The following MREG variants were observed in gnomAD, a reference collection of about 807,000 sequenced individuals.
MREG encodes the protein melanoregulin, also known as dilute suppressor protein homolog.
Under a neutral mutation model 28.5 loss-of-function variants are expected in MREG, and 31 were observed. That is an observed-to-expected ratio of 1.09 (90% confidence interval 0.82 to 1.47). The LOEUF is 1.47. Among genes scored for constraint, MREG ranks in the 40% most tolerant of loss-of-function variants. The pLI is 0.00. For missense variants in MREG, 256 were observed against 257.4 expected, an observed-to-expected ratio of 0.99 and a Z score of 0.04; for synonymous variants, 106 against 95.2, an observed-to-expected ratio of 1.11 and a Z score of -0.66.
chr2:215,951,084 T>G (rs1440732702), intron 2 of MREG, among the ~76,000 whole-genome samples: 1 of 152,102 alleles, frequency 6.6e-6, no homozygotes, highest in Non-Finnish European at 1.5e-5. Context: ...TTGCCATGAG[T>G]GTAAGTTTCC....
chr2:215,999,115 G>A (rs890771191), intron 1 of MREG, among the ~76,000 whole-genome samples: 1 of 152,206 alleles, frequency 6.6e-6, no homozygotes, highest in African/African-American at 2.4e-5. Flanking sequence ...AGCCCACGGG[G>A]TTGGGGAATC....
chr2:215,996,571 A>T (rs1693881020), intron 1 of MREG, 106 bp from the exon 2 acceptor site: 1 of 760,572 alleles, frequency 1.3e-6, no homozygotes, highest in Non-Finnish European at 2.0e-6. Context: ...ACTATGTAAT[A>T]TATAAATATA....
upstream of MREG, among the ~76,000 whole-genome samples, chr2:216,013,909 CGGCGTA>C (rs1694385250): frequency 6.6e-6 from 1 of 151,930 alleles, no homozygotes; most frequent in Non-Finnish European, 1.5e-5. Flanking sequence ...TGATGCATAT[CGGCGTA>C]GGGTTTTTTT....
At chr2:215,959,227 TCTTA>T (rs1361412352) in intron 2 of MREG, among the ~76,000 whole-genome samples, 2 of 152,172 alleles carry the variant, frequency 1.3e-5, no homozygotes, top group African/African-American at 4.8e-5. Context: ...CTCCTAAGTC[TCTTA>T]CTTTAGTCGT....
At chr2:215,989,288 C>A (rs1693661100) in intron 2 of MREG, among the ~76,000 whole-genome samples, 1 of 152,152 alleles carries the variant, frequency 6.6e-6, no homozygotes, top group Non-Finnish European at 1.5e-5. Context: ...ATCCAGCAGA[C>A]CTGCAGCAGA....
chr2:216,002,925 CCT>C (rs1292019264), intron 1 of MREG, among the ~76,000 whole-genome samples: 1 of 150,916 alleles, frequency 6.6e-6, no homozygotes, highest in African/African-American at 2.4e-5. Flanking sequence ...TCCCTCTCCT[CCT>C]CTCTCCTTTT....
chr2:216,026,879 A>C (rs1257974363), intron 1 of MREG, among the ~76,000 whole-genome samples: 1 of 152,246 alleles, frequency 6.6e-6, no homozygotes, highest in Admixed American at 6.5e-5. Context: ...ACATAAGGCA[A>C]ATCAGGTAAA....
rs71430211 is a variant in MREG, at chr2:215,957,868, A to G, written c.256-10755T>C. Among the ~76,000 whole-genome samples, 888 of 152,260 alleles carry G rather than the reference A, an allele frequency of 5.8e-3. 4 individuals carry two copies. Among genetic ancestry groups the G allele is most frequent in the Non-Finnish European group, 0.01 (702 of 68,020 alleles). The stretch of plus-strand genomic sequence containing the variant: ...CTTGGAACCAACCCAAATGTCCAAC[A>G]ATGATAGACTGGATTAAGAAAATGT... On this transcript the variant is annotated intron_variant, in intron 2 of 4. Coordinates refer to ENST00000263268, the MANE Select transcript of MREG (RefSeq NM_018000.3).
At chr2:216,024,744 ATGG>A (rs1395937401) in intron 1 of MREG, among the ~76,000 whole-genome samples, 1 of 151,774 alleles carries the variant, frequency 6.6e-6, no homozygotes, top group African/African-American at 2.4e-5. Context: ...TCAGCTGGGC[ATGG>A]TGGCTCACCC....
intron 2 of MREG, among the ~76,000 whole-genome samples, chr2:215,964,434 A>C (rs1288721320): frequency 6.6e-6 from 1 of 152,136 alleles, no homozygotes; most frequent in Non-Finnish European, 1.5e-5. Context: ...CAGTGAGCCA[A>C]GATTACACCA....
Position 215,992,559 on chromosome 2 carries a change from GGC to G in MREG, c.255+3745_255+3746del, listed in dbSNP as rs374681293. ...TATTCAACATAGTATTGGAAGTTCT[GGC>G]CAGGGCAATCAGGCAAGAGAAAGGA... On this transcript the variant is annotated intron_variant, in intron 2 of 4. Coordinates refer to ENST00000263268, the MANE Select transcript of MREG (RefSeq NM_018000.3). Among the ~76,000 whole-genome samples the G allele has an allele frequency of 1.4e-3, 216 of 152,222 alleles. 4 individuals are homozygous for G. In the South Asian group the frequency reaches 0.035, roughly 25 times the overall value.
intron 2 of MREG, among the ~76,000 whole-genome samples, chr2:215,981,757 CTT>C (rs1693433538): frequency 6.6e-6 from 1 of 152,182 alleles, no homozygotes; most frequent in Non-Finnish European, 1.5e-5. Flanking sequence ...TCTCCTCTTA[CTT>C]AAGAACTTAA....
chr2:215,962,408 G>A (rs2105981096), intron 2 of MREG, among the ~76,000 whole-genome samples: 1 of 152,320 alleles, frequency 6.6e-6, no homozygotes. Flanking sequence ...GGGAGGGGTG[G>A]GGCTTGCCAT....
In MREG at chr2:216,002,428, T is replaced by C. The variant is rs773190284; in HGVS notation, c.96-5963A>G. ...CCTTGGAAGGCTCCACGAAATACAG[T>C]GCACACAGGCTGGCCTCTGACACCG... On this transcript the variant is annotated intron_variant, in intron 1 of 4. Coordinates refer to ENST00000263268, the MANE Select transcript of MREG (RefSeq NM_018000.3). Among the ~76,000 whole-genome samples the C allele has an allele frequency of 6.6e-5, 10 of 152,302 alleles. No homozygotes were observed. The South Asian group carries it at 8.3e-4, about 13-fold the overall frequency.
At chr2:216,013,964 C>G (rs965303250), upstream of MREG, among the ~76,000 whole-genome samples, 2 of 151,914 alleles carry the variant, frequency 1.3e-5, no homozygotes, top group Non-Finnish European at 2.9e-5. Context: ...AAATTGTTTT[C>G]AAACCTCCTA....
At chr2:215,974,852 A>ACACACACACT (rs1553550318) in intron 2 of MREG, among the ~76,000 whole-genome samples, 2 of 107,552 alleles carry the variant, frequency 1.9e-5, no homozygotes, top group African/African-American at 3.3e-5. Context: ...ACACACACAC[A>ACACACACACT]CTCTCTCTCT....
chr2:216,007,207 G>C (rs529794399), intron 1 of MREG, among the ~76,000 whole-genome samples: 1 of 152,014 alleles, frequency 6.6e-6, no homozygotes, highest in African/African-American at 2.4e-5. Context: ...TCGCCCACTC[G>C]TCAAAATTTA....
chr2:215,991,938 C>A (rs576484045), intron 2 of MREG, among the ~76,000 whole-genome samples: 5 of 152,078 alleles, frequency 3.3e-5, no homozygotes, highest in African/African-American at 1.2e-4. Context: ...CAGGACCAGA[C>A]GGATTCACAG....
At chr2:215,945,073 T>A in intron 4 of MREG, 76 bp from the exon 5 acceptor site, 1 of 1,421,648 alleles carries the variant, frequency 7.0e-7, no homozygotes, top group Non-Finnish European at 9.4e-7. Context: ...AAAAGCAATC[T>A]AACAACAACA....
Sources: gnomAD v4.1 joint callset for allele counts (sites outside exome capture counted in the v4.1 genomes callset) on GRCh38, gnomAD v4.1.1 for gene constraint, MANE v1.5 for transcripts, NCBI Gene and HGNC (gene_info 2026-07-23, HGNC 2026-07-21) for gene names.